Variants in SOBP observed in about 807,000 individuals in gnomAD.
The protein encoded by SOBP is sine oculis binding protein homolog.
In SOBP, 4 loss-of-function variants were observed where a neutral mutation model predicts 53.6. The observed-to-expected ratio is 0.07, with a 90% confidence interval of 0.04 to 0.17. SOBP has a LOEUF of 0.17. Among genes scored for constraint, SOBP ranks in the 10% least tolerant of loss-of-function variants. SOBP has a pLI of 1.00. For missense variants in SOBP, 1,088 were observed against 1,204.7 expected, an observed-to-expected ratio of 0.90 and a Z score of 1.43; for synonymous variants, 584 against 522.6, an observed-to-expected ratio of 1.12 and a Z score of -1.60.
At chr6:107,609,034 A>G (rs558411590) in intron 5 of SOBP, among the ~76,000 whole-genome samples, 1 of 152,098 alleles carries the variant, frequency 6.6e-6, no homozygotes, top group Non-Finnish European at 1.5e-5. Flanking sequence ...AGCTATTCAC[A>G]CCCTAATTTG....
At position 107,635,382 on chromosome 6, in the gene SOBP, C is replaced by G; in HGVS notation, c.2538C>G (p.Ser846=). The G allele has an allele frequency of 1.9e-6, 3 of 1,613,478 alleles. No individual in the cohort carries two copies. The highest frequency in any genetic ancestry group is 2.5e-6 in the Non-Finnish European group (3 of 1,180,008). ...EKAAMAPCII[S]SPMLSAGPED... is the part of the protein sequence containing the mutation. ...CTGCCATGGCACCGTGCATCATCTC[C>G]TCGCCCATGCTCAGCGCCGGGCCTG... The change falls in exon 6 of 7, where the codon TCC becomes TCG. Residue 846 remains serine (S), a synonymous_variant. Coordinates refer to ENST00000317357, the MANE Select transcript of SOBP (RefSeq NM_018013.4). This position sits in a 1 kb window ranked among gnomAD's most constrained non-coding sequence, Gnocchi z 4.5.
intron 5 of SOBP, chr6:107,621,290 C>G: frequency 6.1e-6 from 1 of 162,844 alleles, no homozygotes; most frequent in Non-Finnish European, 1.3e-5. Flanking sequence ...CCAGGATTCG[C>G]TGATGAGGAT....
chr6:107,548,350 T>C (rs1784363244), intron 4 of SOBP, among the ~76,000 whole-genome samples: 1 of 151,052 alleles, frequency 6.6e-6, no homozygotes, highest in African/African-American at 2.4e-5. Context: ...ACCTCCTGGG[T>C]TCCTGCCTCA....
At chr6:107,629,231 C>G (rs1288779150) in intron 5 of SOBP, among the ~76,000 whole-genome samples, 1 of 123,330 alleles carries the variant, frequency 8.1e-6, no homozygotes, top group Non-Finnish European at 1.7e-5. Context: ...GTGCTAATAT[C>G]TTTTTTTTTT....
chr6:107,542,311 A>G (rs1485088700), intron 4 of SOBP, among the ~76,000 whole-genome samples: 1 of 152,014 alleles, frequency 6.6e-6, no homozygotes, highest in East Asian at 1.9e-4. Context: ...TCCTGTGGAG[A>G]AGGGGGAGTA....
intron 4 of SOBP, among the ~76,000 whole-genome samples, chr6:107,578,234 C>T (rs1384725118): frequency 6.7e-6 from 1 of 149,604 alleles, no homozygotes; most frequent in Non-Finnish European, 1.5e-5. Flanking sequence ...CCCCACCCCG[C>T]ACCCTCCCTC....
chr6:107,548,276 C>T (rs1201630882), intron 4 of SOBP, among the ~76,000 whole-genome samples: 3 of 147,680 alleles, frequency 2.0e-5, no homozygotes, highest in African/African-American at 7.7e-5. Flanking sequence ...TTTTTTGAGA[C>T]AGAGTCTTGC....
chr6:107,539,178 T>A (rs905672384), intron 4 of SOBP, among the ~76,000 whole-genome samples: 2 of 152,230 alleles, frequency 1.3e-5, no homozygotes, highest in African/African-American at 4.8e-5. Context: ...CAGCAACCAC[T>A]TCTAGTTTTT....
At chr6:107,606,573 A>G (rs1001794126) in intron 5 of SOBP, among the ~76,000 whole-genome samples, 6 of 152,020 alleles carry the variant, frequency 3.9e-5, no homozygotes, top group Non-Finnish European at 7.4e-5. Context: ...GCTGTGGGGG[A>G]AAAGGCGAGG....
chr6:107,496,406 C>G (rs182979771), intron 1 of SOBP, among the ~76,000 whole-genome samples: 1 of 152,076 alleles, frequency 6.6e-6, no homozygotes, highest in East Asian at 1.9e-4. Context: ...TGTATCACGA[C>G]GAGACAGTAA....
Position 107,633,486 on chromosome 6 carries a change from G to A in SOBP, c.670-28G>A, listed in dbSNP as rs182930992. On this transcript the variant is annotated intron_variant, in intron 5 of 6. Transcript: ENST00000317357. Reference sequence around the variant, plus strand: ...CCCAGGTAAATTGCTTGTCTTACCTGTTGTGGTTTTTTATTACTGTGTTGT... The same window carrying A: ...CCCAGGTAAATTGCTTGTCTTACCTATTGTGGTTTTTTATTACTGTGTTGT... The A allele has an allele frequency of 6.2e-6, 10 of 1,614,196 alleles. No homozygotes were observed. In the East Asian group the frequency reaches 2.2e-4, roughly 36 times the overall value.
chr6:107,588,774 A>G (rs1785651417), intron 5 of SOBP, among the ~76,000 whole-genome samples: 2 of 152,212 alleles, frequency 1.3e-5, no homozygotes, highest in South Asian at 4.1e-4. Flanking sequence ...TTTAGAGAAA[A>G]TAGATGTTTT....
intron 5 of SOBP, among the ~76,000 whole-genome samples, chr6:107,611,371 G>A (rs552787758): frequency 6.6e-6 from 1 of 152,330 alleles, no homozygotes; most frequent in East Asian, 1.9e-4. Context: ...CTGCAGATGT[G>A]GAATTTGAAG....
At chr6:107,545,689 T>A (rs1485363532) in intron 4 of SOBP, among the ~76,000 whole-genome samples, 1 of 151,942 alleles carries the variant, frequency 6.6e-6, no homozygotes, top group African/African-American at 2.4e-5. Flanking sequence ...AGATGACCCT[T>A]ATAAGGCTAG....
At chr6:107,517,698 A>T (rs2114965932) in intron 3 of SOBP, among the ~76,000 whole-genome samples, 1 of 152,328 alleles carries the variant, frequency 6.6e-6, no homozygotes. Context: ...TCTCTACTTC[A>T]CATCATTCAT....
At chr6:107,532,272 C>CACCA (rs56398781) in intron 3 of SOBP, among the ~76,000 whole-genome samples, 1,488 of 108,030 alleles carry the variant, frequency 0.014, 24 homozygotes, top group African/African-American at 0.041. Flanking sequence ...CACACACACA[C>CACCA]CACACACACA....
chr6:107,525,940 C>CT (rs766694703), intron 3 of SOBP, among the ~76,000 whole-genome samples: 1 of 152,062 alleles, frequency 6.6e-6, no homozygotes. Context: ...ATCTTTGATC[C>CT]TGTCATGTTC....
intron 3 of SOBP, among the ~76,000 whole-genome samples, chr6:107,525,383 A>G (rs929919897): frequency 1.3e-5 from 2 of 152,254 alleles, no homozygotes; most frequent in Non-Finnish European, 1.5e-5. Context: ...CAAGCTCAGC[A>G]TGGTATTCAA....
intron 4 of SOBP, among the ~76,000 whole-genome samples, chr6:107,552,369 A>T (rs1282223412): frequency 6.6e-6 from 1 of 152,206 alleles, no homozygotes; most frequent in East Asian, 1.9e-4. Flanking sequence ...GGGAATGCTC[A>T]AATTTTAAGC....
Sources: gnomAD v4.1 joint callset for allele counts (sites outside exome capture counted in the v4.1 genomes callset) on GRCh38, gnomAD v4.1.1 for gene constraint, Gnocchi (gnomAD v3.1) non-coding constraint, MANE v1.5 for transcripts, NCBI Gene and HGNC (gene_info 2026-07-23, HGNC 2026-07-21) for gene names.